NTRK2: variants seen among roughly 807,000 people sequenced by gnomAD.
NTRK2 encodes the protein BDNF/NT-3 growth factors receptor.
NTRK2 carries 13 observed loss-of-function variants against 94.5 expected under a neutral mutation model. The observed-to-expected ratio is 0.14, with a 90% CI of 0.09 to 0.22. NTRK2 has a LOEUF of 0.22. NTRK2 is among the 10% of genes least tolerant of loss of function. NTRK2 has a pLI of 1.00. For missense variants in NTRK2, 639 were observed against 1,071.2 expected, an observed-to-expected ratio of 0.60 and a Z score of 5.63; for synonymous variants, 372 against 407.4, an observed-to-expected ratio of 0.91 and a Z score of 1.05.
chr9:85,021,702 C>CTT lies in NTRK2; in HGVS notation c.*274_*275dup. On this transcript the variant is annotated 3_prime_UTR_variant, in exon 19 of 19. Coordinates refer to ENST00000277120, the MANE Select transcript of NTRK2 (RefSeq NM_006180.6). ...TTTTCTTTTTTTAAATTTTCTTTTT[C>CTT]TTTTTTTTTTCGTCTTCCCTGCTTC... 4 of 443,736 alleles carry CTT rather than the reference C, an allele frequency of 9.0e-6. No homozygotes were observed. Among genetic ancestry groups the CTT allele is most frequent in the African/African-American group, 2.6e-5 (1 of 38,018 alleles). 27.5% of individuals were successfully genotyped at this position (443,736 alleles called of 1,614,324 possible). A position where few individuals can be genotyped will look rare whatever the true frequency, so the allele number is the denominator to read the frequency against.
At chr9:84,833,910 A>G (rs2073721149) in intron 12 of NTRK2, among the ~76,000 whole-genome samples, 1 of 152,182 alleles carries the variant, frequency 6.6e-6, no homozygotes, top group Admixed American at 6.5e-5. Context: ...GGGTGATTCC[A>G]CTGTGCAGCA....
At chr9:84,861,015 T>G in intron 12 of NTRK2, 25 bp from the exon 13 acceptor site, 1 of 1,610,212 alleles carries the variant, frequency 6.2e-7, no homozygotes, top group Non-Finnish European at 8.5e-7. Flanking sequence ...TCGAAGTTTA[T>G]TTTATGTTTT....
chr9:84,808,953 T>A (rs2133515586), intron 12 of NTRK2, among the ~76,000 whole-genome samples: 1 of 152,298 alleles, frequency 6.6e-6, no homozygotes. Flanking sequence ...CTTAGAGGCG[T>A]CTTCCAAAGT....
chr9:84,873,624 A>G (rs962605645), intron 14 of NTRK2: 1 of 1,053,560 alleles, frequency 9.5e-7, no homozygotes, highest in African/African-American at 1.7e-5. Flanking sequence ...AAAGAAAGGA[A>G]ATGAATACAT....
At position 84,955,256 on chromosome 9, in the gene NTRK2, A is replaced by T. The variant is rs532748233; in HGVS notation, c.1938-27A>T. 5.1e-6 allele frequency: 8 copies of T among 1,564,280 alleles called. No individual in the cohort carries two copies. The African/African-American group carries it at 9.5e-5, about 19-fold the overall frequency. On this transcript the variant is annotated intron_variant, in intron 16 of 18. Transcript: ENST00000277120. ...CTGGAGTGAAAATGCTGAGGCCCCC[A>T]GCTTCATTCTCCATGTCCTTCCCCA...
At chr9:84,788,211 A>G (rs2068322147) in intron 12 of NTRK2, among the ~76,000 whole-genome samples, 1 of 152,200 alleles carries the variant, frequency 6.6e-6, no homozygotes, top group Admixed American at 6.5e-5. Flanking sequence ...AAAGTGACTC[A>G]TGGAGAATAG....
chr9:84,894,822 T>C (rs960922937), intron 14 of NTRK2, among the ~76,000 whole-genome samples: 1 of 152,146 alleles, frequency 6.6e-6, no homozygotes, highest in Non-Finnish European at 1.5e-5. Flanking sequence ...GGGACACAAT[T>C]CATAAGCCTT....
chr9:84,972,867 C>T (rs4578034), intron 17 of NTRK2, among the ~76,000 whole-genome samples: 72,716 of 151,912 alleles, frequency 0.48, 17,838 homozygotes, highest in Middle Eastern at 0.55. Context: ...CCCCCAAAAA[C>T]CCATATGAGC....
intron 17 of NTRK2, among the ~76,000 whole-genome samples, chr9:84,983,574 T>C (rs1193447147): frequency 1.3e-5 from 2 of 152,190 alleles, no homozygotes; most frequent in African/African-American, 2.4e-5. Context: ...ATCTCAGTGA[T>C]CAAAAGTGCT....
intron 17 of NTRK2, among the ~76,000 whole-genome samples, chr9:84,968,810 G>A (rs1205415131): frequency 1.3e-5 from 2 of 152,144 alleles, no homozygotes; most frequent in Non-Finnish European, 2.9e-5. Context: ...TTTTGCCATT[G>A]GGGAATGGGG....
chr9:84,956,966 C>T (rs935707055), intron 17 of NTRK2, among the ~76,000 whole-genome samples: 2 of 152,002 alleles, frequency 1.3e-5, no homozygotes, highest in African/African-American at 2.4e-5. Context: ...GATGGGGGCA[C>T]ACTCTTAACT....
intron 13 of NTRK2, 102 bp downstream of exon 13, chr9:84,861,189 A>G: frequency 1.1e-6 from 1 of 917,494 alleles, no homozygotes; most frequent in East Asian, 2.6e-5. Flanking sequence ...TCTTTGATTC[A>G]TTTTCTGTGT....
At chr9:84,766,257 G>C (rs1315393331) in intron 12 of NTRK2, among the ~76,000 whole-genome samples, 1 of 152,160 alleles carries the variant, frequency 6.6e-6, no homozygotes, top group African/African-American at 2.4e-5. Context: ...GAGTGATCTA[G>C]ACAGAGGAAG....
chr9:85,013,234 T>C (rs575687028), intron 17 of NTRK2, among the ~76,000 whole-genome samples: 1 of 152,312 alleles, frequency 6.6e-6, no homozygotes, highest in East Asian at 1.9e-4. Context: ...AATTCTCATT[T>C]TCCTGGACGT....
At chr9:84,846,061 A>G (rs58434484) in intron 12 of NTRK2, among the ~76,000 whole-genome samples, 3,886 of 152,318 alleles carry the variant, frequency 0.026, 181 homozygotes, top group African/African-American at 0.088. Flanking sequence ...GCCCAAGGAC[A>G]TAAATAGAGA....
intron 4 of NTRK2, among the ~76,000 whole-genome samples, chr9:84,703,679 A>T (rs1431564140): frequency 6.6e-6 from 1 of 152,254 alleles, no homozygotes; most frequent in Non-Finnish European, 1.5e-5. Context: ...CCAATATCAT[A>T]GCTTCATATT....
At chr9:84,722,396 G>T (rs1317686108) in intron 6 of NTRK2, among the ~76,000 whole-genome samples, 1 of 152,094 alleles carries the variant, frequency 6.6e-6, no homozygotes, top group African/African-American at 2.4e-5. Context: ...AAGAATACAT[G>T]ATAAGAGAAA....
Position 84,741,876 on chromosome 9 carries a change from C to T in NTRK2, c.1160-16C>T, listed in dbSNP as rs200633220. ...AAATGCATACTTACAAATCTTTGCT[C>T]TGTTTTGCCTTTTAGGTGCAAACCC... On this transcript the variant is annotated splice_polypyrimidine_tract_variant and intron_variant, in intron 9 of 18. Transcript: ENST00000277120. 9.6e-5 allele frequency: 155 copies of T among 1,610,754 alleles called. No homozygotes were observed. The highest frequency in any genetic ancestry group is 1.2e-4 in the Non-Finnish European group (147 of 1,177,810).
At chr9:84,781,165 G>A (rs1239380270) in intron 12 of NTRK2, among the ~76,000 whole-genome samples, 1 of 152,116 alleles carries the variant, frequency 6.6e-6, no homozygotes, top group African/African-American at 2.4e-5. Flanking sequence ...AACCTTATGT[G>A]TACAAAGTAA....
Sources: allele counts gnomAD v4.1 joint callset (sites outside exome capture counted in the v4.1 genomes callset), GRCh38; gene constraint gnomAD v4.1.1; transcripts MANE v1.5; gene names NCBI Gene and HGNC (gene_info 2026-07-23, HGNC 2026-07-21).